CD163L1: variants seen among roughly 807,000 people sequenced by gnomAD.
The protein encoded by CD163L1 is scavenger receptor cysteine-rich type 1 protein M160.
A neutral mutation model predicts 165.4 loss-of-function variants in CD163L1; 124 were observed. The ratio of observed to expected loss-of-function variants is 0.75; its 90% CI spans 0.65 to 0.87. The LOEUF is 0.87. Ranked by LOEUF, CD163L1 falls within the 40% of genes least tolerant of loss-of-function variation. The pLI is 0.00. For synonymous variants in CD163L1, 585 were observed against 662.2 expected, an observed-to-expected ratio of 0.88 and a Z score of 1.79; for missense variants, 1,525 against 1,799.9, an observed-to-expected ratio of 0.85 and a Z score of 2.76.
chr12:7,338,593 C>G, the CD163L1 span, among the ~76,000 whole-genome samples: 1 of 152,154 alleles, frequency 6.6e-6, no homozygotes, highest in African/African-American at 2.4e-5. Context: ...AGATGTGGTT[C>G]TTTTGCAGTG....
intron 7 of CD163L1, among the ~76,000 whole-genome samples, chr12:7,396,868 G>A (rs1353141980): frequency 1.3e-5 from 2 of 152,088 alleles, no homozygotes; most frequent in Non-Finnish European, 2.9e-5. Flanking sequence ...GAGAGAGAGA[G>A]AGAGAAGAGA....
intron 2 of CD163L1, chr12:7,439,024 G>A (rs768784640): frequency 5.4e-5 from 86 of 1,605,328 alleles, no homozygotes; most frequent in Non-Finnish European, 6.8e-5. Context: ...CTCTGACATC[G>A]GTATCCTCCT....
rs1565810403 is a variant in CD163L1 at position 7,421,524 on chromosome 12, CATATATACATATACGTACACATAT to C, written c.766+10868_766+10891del. On this transcript the variant is annotated intron_variant, in intron 4 of 19. Coordinates refer to ENST00000313599, the MANE Select transcript of CD163L1 (RefSeq NM_174941.6). ...GTACATATACATATACATATATGTA[CATATATACATATACGTACACATAT>C]ACATATACATATATGTACATATATA... Among the ~76,000 whole-genome samples the C allele has an allele frequency of 4.5e-3, 495 of 111,090 alleles. 25 individuals carry two copies. The highest frequency in any genetic ancestry group is 0.019 in the African/African-American group (459 of 24,530). 72.9% of individuals were successfully genotyped at this position (111,090 alleles called of 152,430 possible).
At chr12:7,438,593 T>A (rs114458954) in intron 2 of CD163L1, among the ~76,000 whole-genome samples, 2,280 of 152,326 alleles carry the variant, frequency 0.015, 63 homozygotes, top group African/African-American at 0.051. Flanking sequence ...CTAGTCAAAA[T>A]CATTCTAAGA....
intron 14 of CD163L1, among the ~76,000 whole-genome samples, chr12:7,370,608 A>G (rs1329373355): frequency 6.6e-6 from 1 of 152,094 alleles, no homozygotes; most frequent in Non-Finnish European, 1.5e-5. Flanking sequence ...CCCCGGTCTG[A>G]TAAGTCATCC....
intron 2 of CD163L1, among the ~76,000 whole-genome samples, chr12:7,438,156 A>G (rs946440824): frequency 3.9e-5 from 6 of 152,206 alleles, no homozygotes; most frequent in African/African-American, 1.4e-4. Context: ...ACTGCCATAA[A>G]TAACTATGTA....
intron 8 of CD163L1, among the ~76,000 whole-genome samples, chr12:7,389,452 T>C (rs1947597800): frequency 6.6e-6 from 1 of 152,092 alleles, no homozygotes; most frequent in Non-Finnish European, 1.5e-5. Flanking sequence ...TTCTGGGATC[T>C]AAAAATCAAA....
downstream of CD163L1, among the ~76,000 whole-genome samples, chr12:7,354,276 A>C (rs777331259): frequency 9.9e-5 from 15 of 152,136 alleles, no homozygotes; most frequent in African/African-American, 3.6e-4. Flanking sequence ...TTATTTTACT[A>C]TTGTGGTAGA....
At chr12:7,395,738 T>A (rs1438317512) in intron 8 of CD163L1, among the ~76,000 whole-genome samples, 1 of 152,212 alleles carries the variant, frequency 6.6e-6, no homozygotes, top group Non-Finnish European at 1.5e-5. Context: ...TTTGAGAGAC[T>A]GGGTGATTCA....
chr12:7,419,492 T>G lies in CD163L1; in HGVS notation c.767-12640A>C, dbSNP rs757086874. On this transcript the variant is annotated intron_variant, in intron 4 of 19. Transcript: ENST00000313599. ...TCACCACTTCTATTGAACATAGTAC[T>G]GAAAGCCTTAGCCAGAGAAATCAGA... Among the ~76,000 whole-genome samples, 270 of 150,958 alleles carry G rather than the reference T, an allele frequency of 1.8e-3. 2 individuals are homozygous for G. Among genetic ancestry groups the G allele is most frequent in the African/African-American group, 6.3e-3 (258 of 41,102 alleles).
intron 4 of CD163L1, among the ~76,000 whole-genome samples, chr12:7,427,665 AG>A: frequency 6.6e-6 from 1 of 152,188 alleles, no homozygotes; most frequent in Middle Eastern, 3.4e-3. Context: ...AACTCATTTA[AG>A]GGCTTTAATA....
chr12:7,378,782 C>T lies in CD163L1; in HGVS notation c.2371+196G>A, dbSNP rs769514631. Among the ~76,000 whole-genome samples the T allele has an allele frequency of 9.9e-5, 15 of 152,204 alleles. No homozygotes were observed. The South Asian group carries it at 1.2e-3, about 13-fold the overall frequency. ...CATTTCATCTTGTGCTTCTACTTCA[C>T]GCAATTTTAAATAAACAGTTATTTA... On this transcript the variant is annotated intron_variant, in intron 9 of 19. Transcript: ENST00000313599.
At position 7,398,227 on chromosome 12, in the gene CD163L1, C is replaced by A. The variant is rs1368039487; in HGVS notation, c.1729+37G>T. ...GCCCTTCCTATGAGGAATACTATTT[C>A]TCTTATCAGGAAATAATAAACAAGA... On this transcript the variant is annotated intron_variant, in intron 7 of 19. Transcript: ENST00000313599. The surrounding 1 kb of genome is among the most constrained non-coding windows in gnomAD (Gnocchi z 4.5). 6.4e-7 allele frequency: 1 copy of A among 1,571,636 alleles called. No individual in the cohort carries two copies. The highest frequency in any genetic ancestry group is 1.7e-4 in the Middle Eastern group (1 of 5,888).
intron 4 of CD163L1, among the ~76,000 whole-genome samples, chr12:7,424,247 T>C (rs1948496940): frequency 6.6e-6 from 1 of 150,396 alleles, no homozygotes. Context: ...TCTCAATAGA[T>C]GCAGAAAAGG....
chr12:7,390,300 C>T (rs980150071), intron 8 of CD163L1, among the ~76,000 whole-genome samples: 3 of 151,538 alleles, frequency 2.0e-5, no homozygotes, highest in African/African-American at 7.3e-5. Context: ...AGTAGGGTGA[C>T]TATAGTTAAA....
chr12:7,320,798 T>A, the CD163L1 span: 2 of 1,612,088 alleles, frequency 1.2e-6, no homozygotes, highest in South Asian at 2.2e-5. Context: ...CAAAAAGACC[T>A]TAAGAGGTAC....
chr12:7,384,887 C>T (rs946546693), intron 8 of CD163L1, among the ~76,000 whole-genome samples: 3 of 151,502 alleles, frequency 2.0e-5, no homozygotes, highest in Non-Finnish European at 2.9e-5. Flanking sequence ...CCAAATGTTA[C>T]CACCATAGAA....
chr12:7,440,136 AC>A (rs1329392959), intron 2 of CD163L1: 2 of 688,040 alleles, frequency 2.9e-6, no homozygotes, highest in African/African-American at 3.5e-5. Flanking sequence ...CAGCGTGGCC[AC>A]GTCCCGCTCA....
chr12:7,369,284 G>T lies in CD163L1; in HGVS notation c.4039+73C>A, dbSNP rs1947093461. 2.7e-6 allele frequency: 4 copies of T among 1,463,332 alleles called. No homozygotes were observed. The African/African-American group carries it at 5.6e-5, about 20-fold the overall frequency. 90.6% of individuals were successfully genotyped at this position (1,463,332 alleles called of 1,614,324 possible). A position where few individuals can be genotyped will look rare whatever the true frequency, so the allele number is the denominator to read the frequency against. ...CCTAGTATCTTCAGCTCAACTCTCTGAGTGAGCCTGTTTCCCAGTGTTCTC... is the reference window on the plus strand; with the variant it reads ...CCTAGTATCTTCAGCTCAACTCTCTTAGTGAGCCTGTTTCCCAGTGTTCTC... On this transcript the variant is annotated intron_variant, in intron 15 of 19. Transcript: ENST00000313599. This position sits in a 1 kb window ranked among gnomAD's most constrained non-coding sequence, Gnocchi z 4.9.
Sources: allele counts gnomAD v4.1 joint callset (sites outside exome capture counted in the v4.1 genomes callset), GRCh38; gene constraint gnomAD v4.1.1; non-coding constraint Gnocchi (gnomAD v3.1); transcripts MANE v1.5; gene names NCBI Gene and HGNC (gene_info 2026-07-23, HGNC 2026-07-21).